Variants in LRRTM4 observed in about 807,000 individuals in gnomAD.
LRRTM4 encodes the protein leucine rich repeat transmembrane neuronal 4, also known as leucine-rich repeat transmembrane neuronal protein 4.
In LRRTM4, 25 loss-of-function variants were observed where a neutral mutation model predicts 47.6. The ratio of observed to expected loss-of-function variants is 0.53; its 90% CI spans 0.38 to 0.73. The LOEUF is 0.73. Among genes scored for constraint, LRRTM4 ranks in the 30% least tolerant of loss-of-function variants. The probability of loss-of-function intolerance (pLI) is 0.00; values close to 1 mark genes in which losing one functional copy is unlikely to be tolerated. For missense variants in LRRTM4, 638 were observed against 713.4 expected, an observed-to-expected ratio of 0.89 and a Z score of 1.20; for synonymous variants, 311 against 269.5, an observed-to-expected ratio of 1.15 and a Z score of -1.51.
intron 3 of LRRTM4, among the ~76,000 whole-genome samples, chr2:77,002,414 ATAC>A (rs1411789688): frequency 6.6e-6 from 1 of 151,972 alleles, no homozygotes; most frequent in East Asian, 1.9e-4. Flanking sequence ...TCCCCAGCAA[ATAC>A]TACAATACAT....
chr2:77,272,943 A>G (rs1240637924), intron 3 of LRRTM4, among the ~76,000 whole-genome samples: 1 of 152,184 alleles, frequency 6.6e-6, no homozygotes, highest in Non-Finnish European at 1.5e-5. Context: ...ATATTTTTAC[A>G]TATGTTCTAT....
intron 3 of LRRTM4, among the ~76,000 whole-genome samples, chr2:76,857,042 T>A (rs2103993952): frequency 6.6e-6 from 1 of 152,020 alleles, no homozygotes; most frequent in East Asian, 1.9e-4. Flanking sequence ...TTAAAACACA[T>A]TCAAAAGTAC....
chr2:77,277,835 A>T (rs959645841), intron 3 of LRRTM4, among the ~76,000 whole-genome samples: 7 of 152,068 alleles, frequency 4.6e-5, no homozygotes, highest in African/African-American at 1.7e-4. Context: ...AGTACTTTTT[A>T]AAGTAGCTCT....
chr2:76,767,305 C>T (rs1362651976), intron 3 of LRRTM4, among the ~76,000 whole-genome samples: 2 of 152,124 alleles, frequency 1.3e-5, no homozygotes, highest in Non-Finnish European at 2.9e-5. Context: ...TTCATCTGTA[C>T]TAATTGCTAA....
chr2:77,410,541 G>A (rs1169180192), intron 3 of LRRTM4, among the ~76,000 whole-genome samples: 1 of 152,136 alleles, frequency 6.6e-6, no homozygotes. Context: ...AATTAAATGA[G>A]ATAGATCCTA....
rs1486916303 is a variant in LRRTM4, at chr2:77,055,113, T to TACACACAGAG, written c.1552-306198_1552-306197insCTCTGTGTGT. On this transcript the variant is annotated intron_variant, in intron 3 of 3. Coordinates refer to ENST00000409884, the MANE Select transcript of LRRTM4 (RefSeq NM_001134745.3). The stretch of plus-strand genomic sequence containing the variant: ...AGGATACTGACTCCGCTACTTAGAG[T>TACACACAGAG]TACCACAACCCACACAGAAAAGGAG... 2.4e-4 allele frequency among the ~76,000 whole-genome samples: 36 copies of TACACACAGAG among 152,054 alleles called. 1 individual carries two copies. Among genetic ancestry groups the TACACACAGAG allele is most frequent in the Admixed American group, 7.2e-4 (11 of 15,264 alleles).
At chr2:77,095,953 G>T (rs1424348702) in intron 3 of LRRTM4, among the ~76,000 whole-genome samples, 4 of 152,024 alleles carry the variant, frequency 2.6e-5, no homozygotes, top group Non-Finnish European at 5.9e-5. Flanking sequence ...TAATCTTTTT[G>T]ACTGCATGGT....
At chr2:77,122,120 T>A (rs1009028216) in intron 3 of LRRTM4, among the ~76,000 whole-genome samples, 1 of 151,738 alleles carries the variant, frequency 6.6e-6, no homozygotes, top group Non-Finnish European at 1.5e-5. Context: ...TTTAACAACA[T>A]TTATACTAAC....
At chr2:76,812,775 C>CCCTCCTCCTCT (rs1670779505) in intron 3 of LRRTM4, among the ~76,000 whole-genome samples, 1 of 74,490 alleles carries the variant, frequency 1.3e-5, no homozygotes, top group African/African-American at 8.4e-5. Context: ...CCTCTCCCTC[C>CCCTCCTCCTCT]CCCTCCTCCT....
At chr2:77,251,198 C>T (rs766700077) in intron 3 of LRRTM4, among the ~76,000 whole-genome samples, 1 of 34,088 alleles carries the variant, frequency 2.9e-5, no homozygotes, top group Non-Finnish European at 6.1e-5. Flanking sequence ...TACACACACA[C>T]ACATATATAT....
intron 3 of LRRTM4, among the ~76,000 whole-genome samples, chr2:76,866,721 A>G (rs898637894): frequency 5.9e-5 from 9 of 152,186 alleles, no homozygotes; most frequent in African/African-American, 2.2e-4. Flanking sequence ...TATATGTGTC[A>G]CATTTTCTTT....
chr2:76,771,641 G>GAA (rs748214529), intron 3 of LRRTM4, among the ~76,000 whole-genome samples: 26 of 69,548 alleles, frequency 3.7e-4, no homozygotes, highest in Middle Eastern at 9.1e-3. Context: ...CAGGTGAACA[G>GAA]AAAAAAAAAA....
At chr2:77,281,421 T>G (rs1000081856) in intron 3 of LRRTM4, among the ~76,000 whole-genome samples, 2 of 151,946 alleles carry the variant, frequency 1.3e-5, no homozygotes, top group Non-Finnish European at 2.9e-5. Context: ...TCAACAACAT[T>G]GTCCTCTTTT....
At chr2:76,966,415 C>G (rs1240597391) in intron 3 of LRRTM4, among the ~76,000 whole-genome samples, 1 of 151,308 alleles carries the variant, frequency 6.6e-6, no homozygotes, top group Non-Finnish European at 1.5e-5. Context: ...TGTTTTTGCT[C>G]TAGACTCTGA....
intron 3 of LRRTM4, among the ~76,000 whole-genome samples, chr2:76,875,701 C>T (rs185956470): frequency 6.6e-6 from 1 of 152,288 alleles, no homozygotes; most frequent in African/African-American, 2.4e-5. Context: ...TAATTACCCA[C>T]TGCCATTGAG....
At chr2:76,969,005 CT>C (rs1411612349) in intron 3 of LRRTM4, among the ~76,000 whole-genome samples, 1 of 151,850 alleles carries the variant, frequency 6.6e-6, no homozygotes, top group Non-Finnish European at 1.5e-5. Flanking sequence ...CTTTATTGGC[CT>C]CCCAAAAGGC....
intron 3 of LRRTM4, among the ~76,000 whole-genome samples, chr2:77,408,697 C>T (rs1052461857): frequency 2.6e-5 from 4 of 152,134 alleles, no homozygotes; most frequent in African/African-American, 9.7e-5. Context: ...GCTCTGATTC[C>T]CCATTGTGGC....
intron 3 of LRRTM4, among the ~76,000 whole-genome samples, chr2:77,160,105 C>A (rs1043818298): frequency 6.6e-6 from 1 of 152,172 alleles, no homozygotes; most frequent in Non-Finnish European, 1.5e-5. Flanking sequence ...TCAGCCCTCA[C>A]CTTTTTTGCC....
At chr2:76,755,967 A>G (rs772022184) in intron 3 of LRRTM4, among the ~76,000 whole-genome samples, 11 of 152,136 alleles carry the variant, frequency 7.2e-5, no homozygotes, top group Non-Finnish European at 1.3e-4. Flanking sequence ...TTTAAACACA[A>G]TTGACCAGCA....
Sources: allele counts gnomAD v4.1 joint callset (sites outside exome capture counted in the v4.1 genomes callset), GRCh38; gene constraint gnomAD v4.1.1; transcripts MANE v1.5; gene names NCBI Gene and HGNC (gene_info 2026-07-23, HGNC 2026-07-21).